Variants in GSE1 observed in about 807,000 individuals in gnomAD.
The protein encoded by GSE1 is genetic suppressor element 1.
In GSE1, 32 loss-of-function variants were observed where a neutral mutation model predicts 112.6. The observed-to-expected ratio is 0.28, with a 90% CI of 0.21 to 0.38. The LOEUF (loss-of-function observed/expected upper bound fraction) is 0.38. Among genes scored for constraint, GSE1 ranks in the 10% least tolerant of loss-of-function variants. The probability of loss-of-function intolerance (pLI) is 1.00; values close to 1 mark genes in which losing one functional copy is unlikely to be tolerated. For missense variants in GSE1, 2,348 were observed against 1,699.2 expected (o/e 1.38, Z -6.71); for synonymous variants, 1,115 against 735.6 (o/e 1.52, Z -8.35).
intron 2 of GSE1, among the ~76,000 whole-genome samples, chr16:85,516,774 T>C (rs932407795): frequency 1.5e-4 from 22 of 149,424 alleles, no homozygotes; most frequent in African/African-American, 4.6e-4. Flanking sequence ...GGGGTGCAGC[T>C]TGGGGCAGGG....
intron 2 of GSE1, among the ~76,000 whole-genome samples, chr16:85,497,246 G>A (rs1037403263): frequency 4.6e-5 from 7 of 152,232 alleles, no homozygotes; most frequent in African/African-American, 1.7e-4. Context: ...GTCTCCTGAA[G>A]GCGGAGTGGG....
chr16:85,582,141 C>G (rs1228614006), intron 1 of GSE1: 1 of 152,228 alleles, frequency 6.6e-6, no homozygotes, highest in East Asian at 1.9e-4. Context: ...CGCAGGCACG[C>G]TGGTGTCATC....
chr16:85,346,163 C>T (rs1328237977), intron 1 of GSE1, among the ~76,000 whole-genome samples: 3 of 18,178 alleles, frequency 1.7e-4, no homozygotes, highest in African/African-American at 4.7e-4. Context: ...GATGGAGGGG[C>T]GGGTGGGTGG....
intron 3 of GSE1, among the ~76,000 whole-genome samples, chr16:85,651,149 C>G (rs953754374): frequency 6.8e-6 from 1 of 147,796 alleles, no homozygotes; most frequent in Non-Finnish European, 1.5e-5. Context: ...AAATGAAAAG[C>G]TGCCCACAGA....
chr16:85,654,546 G>T, intron 4 of GSE1, 96 bp downstream of exon 4: 2 of 1,072,582 alleles, frequency 1.9e-6, no homozygotes, highest in Non-Finnish European at 2.7e-6. Context: ...GCACAGATGA[G>T]GCTGTGCCTG....
intron 2 of GSE1, among the ~76,000 whole-genome samples, chr16:85,485,558 T>TGCC (rs950804502): frequency 4.6e-5 from 7 of 152,246 alleles, no homozygotes; most frequent in African/African-American, 7.2e-5. Flanking sequence ...CAGGCCCGGC[T>TGCC]GCCGCCGCCG....
chr16:85,499,693 T>C (rs1447242276), intron 2 of GSE1, among the ~76,000 whole-genome samples: 1 of 152,228 alleles, frequency 6.6e-6, no homozygotes, highest in South Asian at 2.1e-4. Context: ...TGGCAAATTT[T>C]ATGTGCATTT....
intron 2 of GSE1, among the ~76,000 whole-genome samples, chr16:85,541,460 C>T (rs2044516047): frequency 6.6e-6 from 1 of 152,248 alleles, no homozygotes; most frequent in Non-Finnish European, 1.5e-5. Context: ...CCCAGCTGAG[C>T]TCCTGGGCCA....
chr16:85,330,169 C>G (rs545252250), intron 1 of GSE1, among the ~76,000 whole-genome samples: 46 of 152,340 alleles, frequency 3.0e-4, no homozygotes, highest in Non-Finnish European at 4.4e-4. Context: ...TCCTGATCCC[C>G]TCACCAAAGA....
chr16:85,266,913 T>TAC (rs2144145882), intron 1 of GSE1, among the ~76,000 whole-genome samples: 1 of 152,092 alleles, frequency 6.6e-6, no homozygotes, highest in South Asian at 2.1e-4. Flanking sequence ...TCCCCCTTGG[T>TAC]CCCCCATTTC....
At chr16:85,484,120 T>C (rs1353153790) in intron 2 of GSE1, among the ~76,000 whole-genome samples, 1 of 152,256 alleles carries the variant, frequency 6.6e-6, no homozygotes, top group African/African-American at 2.4e-5. Context: ...GGACCAGTTA[T>C]GCCGTGCAGG....
At chr16:85,394,326 C>T (rs1172381482) in intron 2 of GSE1, among the ~76,000 whole-genome samples, 4 of 152,166 alleles carry the variant, frequency 2.6e-5, no homozygotes, top group African/African-American at 7.2e-5. Flanking sequence ...TAATACCTGT[C>T]GGTGCTGGTG....
At position 85,180,438 on chromosome 16, in the gene GSE1, C is replaced by A. The variant is rs1018513596; in HGVS notation, c.2283+8631C>A. Among the ~76,000 whole-genome samples, 7 of 152,288 alleles carry A rather than the reference C, an allele frequency of 4.6e-5. No homozygotes were observed. The East Asian group carries it at 1.2e-3, about 25-fold the overall frequency. On this transcript the variant is annotated intron_variant, in intron 1 of 2. Transcript: ENST00000637419. ...CACAGAAAGGGTATTTAGGTTCCGG[C>A]CCTCCACTCCCAAGCCCTCGGGCTC...
At chr16:85,612,097 G>A (rs2048023021), upstream of GSE1, among the ~76,000 whole-genome samples, 1 of 151,946 alleles carries the variant, frequency 6.6e-6, no homozygotes, top group Non-Finnish European at 1.5e-5. Flanking sequence ...GATGAGGAGG[G>A]AGCGACCCCG....
rs74659006 is a variant in GSE1 at position 85,220,500 on chromosome 16, C to G, written c.2283+48693C>G. On this transcript the variant is annotated intron_variant, in intron 1 of 2. Transcript: ENST00000637419. ...TTTAAGTTCAGCTCAGAGCCGGGCC[C>G]GCGGCCAGGAGCCTGGGGCAGCTGT... 1.2e-4 allele frequency among the ~76,000 whole-genome samples: 18 copies of G among 152,308 alleles called. No homozygotes were observed. In the East Asian group the frequency reaches 3.5e-3, roughly 29 times the overall value.
rs1366125542 is a variant in GSE1 at position 85,270,377 on chromosome 16, G to A, written c.2284-87086G>A. ...CCTTCTTGGTGTCCTTCTTCTCCTGGACATTTGTCCCAGCGACATCCAAGG... is the reference window on the plus strand; with the variant it reads ...CCTTCTTGGTGTCCTTCTTCTCCTGAACATTTGTCCCAGCGACATCCAAGG... On this transcript the variant is annotated intron_variant, in intron 1 of 2. Transcript: ENST00000637419. Among the ~76,000 whole-genome samples, 2 of 148,776 alleles carry A rather than the reference G, an allele frequency of 1.3e-5. 1 individual carries two copies. Among genetic ancestry groups the A allele is most frequent in the Admixed American group, 1.3e-4 (2 of 14,898 alleles).
At chr16:85,552,394 C>T (rs1433929899), upstream of GSE1, among the ~76,000 whole-genome samples, 3 of 112,128 alleles carry the variant, frequency 2.7e-5, no homozygotes, top group Admixed American at 1.0e-4. Flanking sequence ...TGAAGTGGCG[C>T]GATCTCGGCT....
At chr16:85,653,720 G>A (rs917247837) in intron 3 of GSE1, among the ~76,000 whole-genome samples, 1 of 152,028 alleles carries the variant, frequency 6.6e-6, no homozygotes, top group Non-Finnish European at 1.5e-5. Context: ...GTGGTTGGGG[G>A]CAGACCAGCA....
chr16:85,460,112 T>C (rs60777570), intron 2 of GSE1, among the ~76,000 whole-genome samples: 1 of 152,058 alleles, frequency 6.6e-6, no homozygotes, highest in Non-Finnish European at 1.5e-5. Context: ...GGGGATGCAA[T>C]CTCCTGGCCC....
Sources: gnomAD v4.1 joint callset for allele counts (sites outside exome capture counted in the v4.1 genomes callset) on GRCh38, gnomAD v4.1.1 for gene constraint, MANE v1.5 for transcripts, NCBI Gene and HGNC (gene_info 2026-07-23, HGNC 2026-07-21) for gene names.